Variants in ABCG1 observed in about 807,000 individuals in gnomAD.
ABCG1 encodes the protein ATP-binding cassette sub-family G member 1.
ABCG1 carries 29 observed loss-of-function variants against 69.2 expected under a neutral mutation model. The observed-to-expected ratio is 0.42, with a 90% CI of 0.31 to 0.57. ABCG1 has a LOEUF of 0.57. Ranked by LOEUF, ABCG1 falls within the 20% of genes least tolerant of loss-of-function variation. ABCG1 has a pLI of 0.15. For synonymous variants in ABCG1, 370 were observed against 374.8 expected (o/e 0.99, Z 0.15); for missense variants, 718 against 898.1 (o/e 0.80, Z 2.56).
chr21:42,213,765 C>A (rs970354121), upstream of ABCG1, among the ~76,000 whole-genome samples: 7 of 152,226 alleles, frequency 4.6e-5, no homozygotes, highest in Non-Finnish European at 8.8e-5. Flanking sequence ...TTTGGACTTA[C>A]TTGAGACCTG....
chr21:42,271,297 C>T (rs2068613211), intron 3 of ABCG1, 110 bp downstream of exon 3: 2 of 667,042 alleles, frequency 3.0e-6, no homozygotes, highest in African/African-American at 1.9e-5. Context: ...CTGTGGTCTA[C>T]AGCAGTAGTC....
At chr21:42,279,369 C>T (rs1048525199) in intron 5 of ABCG1, among the ~76,000 whole-genome samples, 3 of 152,170 alleles carry the variant, frequency 2.0e-5, no homozygotes, top group Non-Finnish European at 4.4e-5. Context: ...GGGGAGCAGA[C>T]GCAGGAGGCG....
chr21:42,269,848 G>T (rs2123724830), intron 2 of ABCG1, among the ~76,000 whole-genome samples: 1 of 152,304 alleles, frequency 6.6e-6, no homozygotes, highest in South Asian at 2.1e-4. Flanking sequence ...CTAAAACACG[G>T]GACTGGGCCA....
intron 2 of ABCG1, among the ~76,000 whole-genome samples, chr21:42,202,588 T>C (rs2067514914): frequency 6.8e-6 from 1 of 147,814 alleles, no homozygotes; most frequent in South Asian, 2.1e-4. Flanking sequence ...TTAATCTTAC[T>C]CAACAGTCAC....
chr21:42,221,780 G>C (rs552652874), intron 1 of ABCG1, among the ~76,000 whole-genome samples: 84 of 152,314 alleles, frequency 5.5e-4, no homozygotes, highest in African/African-American at 1.9e-3. Flanking sequence ...TCCTCCTCCT[G>C]TTTCCTGACT....
chr21:42,230,618 T>C (rs2067886483), intron 2 of ABCG1, among the ~76,000 whole-genome samples: 1 of 152,230 alleles, frequency 6.6e-6, no homozygotes. Context: ...GTAAAGATGA[T>C]GGGGATGAGC....
chr21:42,256,361 G>A (rs1178901971), intron 2 of ABCG1: 15 of 1,550,384 alleles, frequency 9.7e-6, no homozygotes, highest in Non-Finnish European at 1.3e-5. Flanking sequence ...GGTCAGGAGA[G>A]GTTGGTCTGT....
Position 42,287,957 on chromosome 21 carries a change from A to T in ABCG1, c.1042A>T (p.Met348Leu), listed in dbSNP as rs745939443. Residue 348 changes from methionine to leucine, a missense_variant, in exon 9 of 15, where the codon ATG (methionine) becomes TTG (leucine). Physicochemically the swap from Met to Leu is conservative, Grantham distance 15. Around this residue, in one of 2 missense-constraint regions of ABCG1, gnomAD observed 514 missense variants for 574.3 expected, o/e 0.90. Coordinates refer to ENST00000398449, the MANE Select transcript of ABCG1 (RefSeq NM_016818.3). The surrounding 1 kb of genome is among the most constrained non-coding windows in gnomAD (Gnocchi z 6.2). ...SRLVRAVREG[M>L]CDSDHKRDLG... ...GCTGGTGAGAGCGGTTCGGGAGGGCATGTGTGACTCAGACCACAAGAGAGA... is the reference window on the plus strand; with the variant it reads ...GCTGGTGAGAGCGGTTCGGGAGGGCTTGTGTGACTCAGACCACAAGAGAGA... The T allele has an allele frequency of 1.5e-5, 25 of 1,613,740 alleles. 1 individual carries two copies. Among genetic ancestry groups the T allele is most frequent in the Non-Finnish European group, 2.1e-5 (25 of 1,179,760 alleles).
At chr21:42,266,645 G>A (rs1009848836) in intron 2 of ABCG1, among the ~76,000 whole-genome samples, 1 of 152,174 alleles carries the variant, frequency 6.6e-6, no homozygotes, top group Non-Finnish European at 1.5e-5. Context: ...GTCCTCTGGC[G>A]ATGACCACAG....
At chr21:42,274,484 TTTTTTTTG>T (rs1165477562) in intron 4 of ABCG1, among the ~76,000 whole-genome samples, 5 of 149,552 alleles carry the variant, frequency 3.3e-5, no homozygotes, top group African/African-American at 1.0e-4. Flanking sequence ...CCTTTTTTTT[TTTTTTTTG>T]GGGACAGAGT....
intron 2 of ABCG1, among the ~76,000 whole-genome samples, chr21:42,245,208 G>C (rs2068113978): frequency 6.6e-6 from 1 of 152,148 alleles, no homozygotes; most frequent in Non-Finnish European, 1.5e-5. Context: ...TTCTGCATCC[G>C]AGGACTTCTG....
intron 2 of ABCG1, among the ~76,000 whole-genome samples, chr21:42,246,003 T>A (rs2068129521): frequency 6.6e-6 from 1 of 152,052 alleles, no homozygotes; most frequent in Non-Finnish European, 1.5e-5. Flanking sequence ...CCCAGGAGCA[T>A]CCTAGAGAGG....
At chr21:42,243,216 C>T (rs571663173) in intron 2 of ABCG1, among the ~76,000 whole-genome samples, 3 of 152,194 alleles carry the variant, frequency 2.0e-5, no homozygotes, top group Non-Finnish European at 2.9e-5. Context: ...TGGTGTCTCA[C>T]GAGTCGCACT....
chr21:42,203,522 C>T (rs1294501734), intron 2 of ABCG1, among the ~76,000 whole-genome samples: 1 of 152,212 alleles, frequency 6.6e-6, no homozygotes. Flanking sequence ...GCAGCACTTG[C>T]TGGAAAAGCC....
At chr21:42,294,067 G>A (rs2069154175) in intron 13 of ABCG1, among the ~76,000 whole-genome samples, 1 of 151,962 alleles carries the variant, frequency 6.6e-6, no homozygotes, top group Non-Finnish European at 1.5e-5. Flanking sequence ...GAGTCGCGGC[G>A]GTTGCTTCGG....
At chr21:42,222,696 G>C (rs905701185) in intron 1 of ABCG1, among the ~76,000 whole-genome samples, 2 of 152,174 alleles carry the variant, frequency 1.3e-5, no homozygotes, top group African/African-American at 4.8e-5. Context: ...TCCCTGTTAG[G>C]GTTGTGGAGG....
intron 2 of ABCG1, among the ~76,000 whole-genome samples, chr21:42,249,134 G>A (rs528736164): frequency 1.3e-5 from 2 of 152,054 alleles, no homozygotes; most frequent in Non-Finnish European, 2.9e-5. Flanking sequence ...GGATAAATAC[G>A]AACGTGGTGC....
chr21:42,286,904 G>C (rs934840941), intron 8 of ABCG1, among the ~76,000 whole-genome samples: 10 of 152,176 alleles, frequency 6.6e-5, no homozygotes, highest in African/African-American at 2.4e-4. Context: ...GAGGGGCCTG[G>C]AAACATTGCC....
At chr21:42,269,995 G>A (rs1310561139) in intron 2 of ABCG1, among the ~76,000 whole-genome samples, 1 of 151,068 alleles carries the variant, frequency 6.6e-6, no homozygotes. Context: ...GCCGGGCGCG[G>A]TGGCTCACGC....
Sources: allele counts gnomAD v4.1 joint callset (sites outside exome capture counted in the v4.1 genomes callset), GRCh38; gene constraint gnomAD v4.1.1; regional missense constraint gnomAD v4.1.1; non-coding constraint Gnocchi (gnomAD v3.1); transcripts MANE v1.5; gene names NCBI Gene and HGNC (gene_info 2026-07-23, HGNC 2026-07-21).